AKAP6: variants seen among roughly 807,000 people sequenced by gnomAD.
AKAP6 encodes A-kinase anchoring protein 6.
In AKAP6, 58 loss-of-function variants were observed where a neutral mutation model predicts 188.5. That is an observed-to-expected ratio of 0.31 (90% CI 0.25 to 0.38). The LOEUF is 0.38. Among genes scored for constraint, AKAP6 ranks in the 10% least tolerant of loss-of-function variants. The pLI, the probability that AKAP6 is intolerant of heterozygous loss-of-function variation, is 1.00. For missense variants in AKAP6, 2,710 were observed against 2,740.0 expected, an observed-to-expected ratio of 0.99 and a Z score of 0.24; for synonymous variants, 989 against 998.6, an observed-to-expected ratio of 0.99 and a Z score of 0.18.
intron 4 of AKAP6, among the ~76,000 whole-genome samples, chr14:32,564,046 T>G (rs2139217292): frequency 1.3e-5 from 2 of 152,302 alleles, no homozygotes; most frequent in South Asian, 4.1e-4. Context: ...TTATGTAAAT[T>G]GTATAGTATT....
rs757985162 is a variant in AKAP6 at position 32,600,923 on chromosome 14, A to C, written c.2730+131A>C. 233 of 698,358 alleles carry C rather than the reference A, an allele frequency of 3.3e-4. 1 individual carries two copies. The highest frequency in any genetic ancestry group is 7.1e-4 in the Admixed American group (17 of 23,872). 43.3% of individuals were successfully genotyped at this position (698,358 alleles called of 1,614,324 possible). ...GTAAACTTTATATCTCTCTCTATAT[A>C]TATATAAACAAAATGAAATGCCTTA... On this transcript the variant is annotated intron_variant, in intron 7 of 13. Coordinates refer to ENST00000280979, the MANE Select transcript of AKAP6 (RefSeq NM_004274.5).
At chr14:32,542,748 A>G (rs1380877121) in intron 3 of AKAP6, among the ~76,000 whole-genome samples, 2 of 152,216 alleles carry the variant, frequency 1.3e-5, no homozygotes, top group Non-Finnish European at 2.9e-5. Flanking sequence ...GGAGAATAGC[A>G]TAAGAAAGGC....
intron 9 of AKAP6, among the ~76,000 whole-genome samples, chr14:32,729,332 A>AT (rs1388948106): frequency 6.6e-6 from 1 of 152,160 alleles, no homozygotes; most frequent in Non-Finnish European, 1.5e-5. Flanking sequence ...AACTGTCAAA[A>AT]AAGTTATCTC....
At chr14:32,609,519 T>C (rs907822846) in intron 7 of AKAP6, among the ~76,000 whole-genome samples, 6 of 152,104 alleles carry the variant, frequency 3.9e-5, no homozygotes, top group Admixed American at 6.6e-5. Context: ...CCATTTTGCA[T>C]TGGACTGGGG....
At chr14:32,732,841 A>G in intron 10 of AKAP6, 2 of 605,752 alleles carry the variant, frequency 3.3e-6, no homozygotes, top group Admixed American at 6.0e-5. Flanking sequence ...AATACATGAA[A>G]AAGTAAGTAA....
At chr14:32,787,875 G>GCCCT (rs1394289440) in intron 12 of AKAP6, among the ~76,000 whole-genome samples, 4 of 151,246 alleles carry the variant, frequency 2.6e-5, no homozygotes, top group Non-Finnish European at 5.9e-5. Flanking sequence ...AGATCTATAT[G>GCCCT]CCCTCCCTCC....
intron 2 of AKAP6, among the ~76,000 whole-genome samples, chr14:32,454,469 C>T (rs990934966): frequency 6.6e-6 from 1 of 152,154 alleles, no homozygotes; most frequent in Admixed American, 6.5e-5. Flanking sequence ...ATGCCTGACT[C>T]CCGTGCCACA....
chr14:32,547,960 A>G (rs995098159), intron 4 of AKAP6, among the ~76,000 whole-genome samples: 1 of 152,146 alleles, frequency 6.6e-6, no homozygotes, highest in Non-Finnish European at 1.5e-5. Flanking sequence ...CCGTTTCCTC[A>G]GGAGGCCATT....
chr14:32,551,642 TTTTG>T (rs71115084), intron 4 of AKAP6, among the ~76,000 whole-genome samples: 3,742 of 148,908 alleles, frequency 0.025, 128 homozygotes, highest in East Asian at 0.1. Context: ...ATTCTGTAAT[TTTTG>T]TTTGTTTGTT....
intron 12 of AKAP6, among the ~76,000 whole-genome samples, chr14:32,774,703 T>C (rs1211025886): frequency 1.3e-5 from 2 of 152,180 alleles, no homozygotes; most frequent in Non-Finnish European, 2.9e-5. Context: ...TGTCTATTAG[T>C]TGAAGGCCCA....
At chr14:32,628,086 G>C (rs1283647811) in intron 7 of AKAP6, 2 of 152,072 alleles carry the variant, frequency 1.3e-5, no homozygotes, top group Non-Finnish European at 2.9e-5. Context: ...GAAGAATGGA[G>C]ATAACAGAAG....
At chr14:32,753,334 T>C (rs538025953) in intron 11 of AKAP6, among the ~76,000 whole-genome samples, 121 of 152,250 alleles carry the variant, frequency 7.9e-4, no homozygotes, top group African/African-American at 2.8e-3. Context: ...CTGTCTTCTG[T>C]TGAGAAATAT....
At chr14:32,815,961 G>T (rs1192504673) in intron 12 of AKAP6, among the ~76,000 whole-genome samples, 1 of 152,178 alleles carries the variant, frequency 6.6e-6, no homozygotes, top group African/African-American at 2.4e-5. Context: ...GCTGATCCAG[G>T]ATTCAAACCC....
chr14:32,428,433 A>G lies in AKAP6; in HGVS notation c.-34-5027A>G, dbSNP rs994021946. On this transcript the variant is annotated intron_variant, in intron 1 of 13. Transcript: ENST00000280979. The stretch of plus-strand genomic sequence containing the variant: ...TATGAAGCTGGTACTCTATACTGGC[A>G]CCAGTGTCCTGCCAGCATGGTGCAG... Among the ~76,000 whole-genome samples the G allele has an allele frequency of 3.9e-5, 6 of 152,106 alleles. No homozygotes were observed. In the East Asian group the frequency reaches 9.7e-4, roughly 24 times the overall value.
At chr14:32,458,363 A>T (rs1891214007) in intron 2 of AKAP6, among the ~76,000 whole-genome samples, 1 of 152,144 alleles carries the variant, frequency 6.6e-6, no homozygotes, top group African/African-American at 2.4e-5. Flanking sequence ...AAGGATAAAT[A>T]CTGACTTCAA....
intron 1 of AKAP6, among the ~76,000 whole-genome samples, chr14:32,355,366 G>A (rs554732889): frequency 2.4e-4 from 37 of 152,038 alleles, no homozygotes; most frequent in Non-Finnish European, 3.1e-4. Context: ...TCCCCTCACC[G>A]GCTCCAAGCC....
At chr14:32,732,674 T>C (rs751930871) in intron 10 of AKAP6, 74 bp downstream of exon 10, 1 of 1,501,804 alleles carries the variant, frequency 6.7e-7, no homozygotes, top group African/African-American at 1.4e-5. Flanking sequence ...GTCCGATTTC[T>C]AATTTGAGGC....
chr14:32,390,807 G>A (rs1888689741), intron 1 of AKAP6, among the ~76,000 whole-genome samples: 1 of 152,116 alleles, frequency 6.6e-6, no homozygotes, highest in Admixed American at 6.6e-5. Context: ...GTCCTCTCAG[G>A]TTTCCTGATT....
chr14:32,822,937 G>T lies in AKAP6; in HGVS notation c.5124G>T (p.Lys1708Asn), dbSNP rs946282224. 1 of 1,613,902 alleles carries T rather than the reference G, an allele frequency of 6.2e-7. No individual in the cohort carries two copies. The highest frequency in any genetic ancestry group is 1.3e-5 in the African/African-American group (1 of 75,020). Residue 1708 changes from lysine (K) to asparagine (N), a missense_variant, in exon 13 of 14, where the codon AAG becomes AAT. By Grantham distance (94) the Lys-to-Asn change is moderately conservative. This residue lies in a region of AKAP6 where 2,473 missense variants were observed against 2,426.1 expected (regional missense o/e 1.02). Transcript: ENST00000280979. ...SLCSEDIVLH[K>N]NKIPESNASF... ...GCTCAGAGGATATTGTGTTACACAA[G>T]AACAAGATCCCGGAATCGAATGCAT...
Sources: allele counts gnomAD v4.1 joint callset (sites outside exome capture counted in the v4.1 genomes callset), GRCh38; gene constraint gnomAD v4.1.1; regional missense constraint gnomAD v4.1.1; transcripts MANE v1.5; gene names NCBI Gene and HGNC (gene_info 2026-07-23, HGNC 2026-07-21).